BANK1: variants seen among roughly 807,000 people sequenced by gnomAD.
BANK1 encodes the protein B cell scaffold protein with ankyrin repeats 1, also known as B-cell scaffold protein with ankyrin repeats.
BANK1 carries 95 observed loss-of-function variants against 94.5 expected under a neutral mutation model. The observed-to-expected ratio is 1.00, with a 90% CI of 0.85 to 1.19. BANK1 has a LOEUF of 1.19. Ranked by LOEUF, BANK1 falls within the 50% of genes most tolerant of loss-of-function variation. The pLI is 0.00. For missense variants in BANK1, 987 were observed against 932.2 expected (o/e 1.06, Z -0.77); for synonymous variants, 334 against 308.4 (o/e 1.08, Z -0.87).
chr4:101,937,684 T>G (rs1289552166), intron 7 of BANK1, among the ~76,000 whole-genome samples: 1 of 151,878 alleles, frequency 6.6e-6, no homozygotes, highest in Non-Finnish European at 1.5e-5. Flanking sequence ...AACGTGGTGA[T>G]CCCTCAAGGA....
At chr4:101,863,073 A>G (rs11932972) in intron 4 of BANK1, among the ~76,000 whole-genome samples, 52,296 of 151,182 alleles carry the variant, frequency 0.35, 9,291 homozygotes, top group African/African-American at 0.39. Flanking sequence ...TCTCTGGTAT[A>G]TTTTTGTTAC....
chr4:101,806,337 T>C (rs533989669), intron 1 of BANK1, among the ~76,000 whole-genome samples: 4 of 62,764 alleles, frequency 6.4e-5, no homozygotes, highest in South Asian at 1.1e-3. Context: ...AAATCTATTA[T>C]ACAATGTTTA....
chr4:101,805,518 A>T (rs2148852076), intron 1 of BANK1, among the ~76,000 whole-genome samples: 1 of 151,970 alleles, frequency 6.6e-6, no homozygotes, highest in East Asian at 1.9e-4. Flanking sequence ...GGACAAATAA[A>T]GCTGTAGCCG....
chr4:101,895,889 G>C (rs1446578053), intron 6 of BANK1, among the ~76,000 whole-genome samples: 1 of 151,776 alleles, frequency 6.6e-6, no homozygotes, highest in Non-Finnish European at 1.5e-5. Flanking sequence ...ATGTAGCAGA[G>C]AGAGAGTGTG....
intron 1 of BANK1, among the ~76,000 whole-genome samples, chr4:101,818,213 G>A (rs1725996302): frequency 6.6e-6 from 1 of 152,096 alleles, no homozygotes; most frequent in Non-Finnish European, 1.5e-5. Context: ...AAAGGTTACT[G>A]CTGTTTCTAC....
At chr4:101,794,055 A>C (rs1725076666) in intron 1 of BANK1, among the ~76,000 whole-genome samples, 1 of 152,138 alleles carries the variant, frequency 6.6e-6, no homozygotes, top group East Asian at 1.9e-4. Flanking sequence ...TATTGTGGTT[A>C]ATAGTTCTGA....
intron 7 of BANK1, among the ~76,000 whole-genome samples, chr4:101,952,567 A>G (rs1360210016): frequency 2.6e-5 from 4 of 152,138 alleles, no homozygotes; most frequent in Admixed American, 2.0e-4. Flanking sequence ...AGTGCTTGGC[A>G]TATGATTATA....
chr4:102,020,177 TA>T (rs5860711), intron 7 of BANK1, among the ~76,000 whole-genome samples: 15,271 of 151,606 alleles, frequency 0.1, 838 homozygotes, highest in Middle Eastern at 0.14. Context: ...AATAAATTAG[TA>T]AAAAAAAATC....
chr4:101,929,754 C>A (rs1215847961), intron 7 of BANK1, among the ~76,000 whole-genome samples: 1 of 151,394 alleles, frequency 6.6e-6, no homozygotes, highest in Non-Finnish European at 1.5e-5. Flanking sequence ...GATAACCCTT[C>A]CTGGTGCTTA....
chr4:101,840,868 G>T (rs191696628), intron 2 of BANK1, among the ~76,000 whole-genome samples: 13 of 152,186 alleles, frequency 8.5e-5, no homozygotes, highest in Admixed American at 8.5e-4. Context: ...TTGAGTGAGG[G>T]TCTCACTCTA....
At chr4:102,019,547 A>G (rs1234165839) in intron 7 of BANK1, among the ~76,000 whole-genome samples, 2 of 152,214 alleles carry the variant, frequency 1.3e-5, no homozygotes, top group African/African-American at 2.4e-5. Context: ...TCACACAGCT[A>G]ATATATGATA....
chr4:102,057,741 AGT>A (rs1302561554), intron 11 of BANK1, among the ~76,000 whole-genome samples: 2 of 152,218 alleles, frequency 1.3e-5, no homozygotes, highest in Non-Finnish European at 2.9e-5. Context: ...AGTATGACAT[AGT>A]ACTTACAGCA....
At chr4:101,897,954 T>G (rs565699234) in intron 6 of BANK1, among the ~76,000 whole-genome samples, 11 of 151,974 alleles carry the variant, frequency 7.2e-5, no homozygotes, top group Non-Finnish European at 1.5e-5. Context: ...TTAATGGTAA[T>G]TTTGTATCTG....
At chr4:101,988,151 A>G (rs1480418558) in intron 7 of BANK1, among the ~76,000 whole-genome samples, 1 of 152,202 alleles carries the variant, frequency 6.6e-6, no homozygotes, top group Non-Finnish European at 1.5e-5. Flanking sequence ...AGTTATCATT[A>G]GAGATCCTTC....
chr4:101,932,344 C>G (rs748099835), intron 7 of BANK1, among the ~76,000 whole-genome samples: 4 of 151,380 alleles, frequency 2.6e-5, no homozygotes, highest in Non-Finnish European at 5.9e-5. Flanking sequence ...TGTGCATATG[C>G]CTATATATGT....
chr4:102,014,362 C>T (rs1726619640), intron 7 of BANK1, among the ~76,000 whole-genome samples: 1 of 152,046 alleles, frequency 6.6e-6, no homozygotes, highest in East Asian at 1.9e-4. Context: ...TTCTCCTTAC[C>T]AAGAAAACCC....
At chr4:102,018,451 G>A (rs1726786637) in intron 7 of BANK1, among the ~76,000 whole-genome samples, 1 of 152,198 alleles carries the variant, frequency 6.6e-6, no homozygotes, top group Non-Finnish European at 1.5e-5. Flanking sequence ...ACTGCCATGT[G>A]AAGATTGTTT....
At chr4:102,071,253 C>T (rs1286521497) in intron 13 of BANK1, 22 bp from the exon 14 acceptor site, 1 of 1,612,258 alleles carries the variant, frequency 6.2e-7, no homozygotes, top group Non-Finnish European at 8.5e-7. Flanking sequence ...CTCAGTAGAA[C>T]ATGCTTTTTT....
intron 7 of BANK1, among the ~76,000 whole-genome samples, chr4:101,995,363 G>A (rs750750646): frequency 1.3e-5 from 2 of 152,084 alleles, no homozygotes; most frequent in Non-Finnish European, 2.9e-5. Flanking sequence ...CATTTTGGTT[G>A]GTTACAAATC....
Sources: allele counts gnomAD v4.1 joint callset (sites outside exome capture counted in the v4.1 genomes callset), GRCh38; gene constraint gnomAD v4.1.1; transcripts MANE v1.5; gene names NCBI Gene and HGNC (gene_info 2026-07-23, HGNC 2026-07-21).